MAPKAPK5: variants seen among roughly 807,000 people sequenced by gnomAD.
MAPKAPK5 encodes MAPK activated protein kinase 5, also known as MAP kinase-activated protein kinase 5.
In MAPKAPK5, 30 loss-of-function variants were observed where a neutral mutation model predicts 65.1. The ratio of observed to expected loss-of-function variants is 0.46; its 90% CI spans 0.34 to 0.63. The LOEUF (loss-of-function observed/expected upper bound fraction) is 0.63, where lower values mean the gene tolerates loss of function less well. Ranked by LOEUF, MAPKAPK5 falls within the 20% of genes least tolerant of loss-of-function variation. The pLI is 0.01. For missense variants in MAPKAPK5, 433 were observed against 581.4 expected (o/e 0.74, Z 2.63); for synonymous variants, 179 against 204.6 (o/e 0.87, Z 1.07).
rs2070675752 is a variant in MAPKAPK5 at position 111,893,013 on chromosome 12, T to G, written c.1368T>G (p.Ile456Met). The G allele has an allele frequency of 1.9e-6, 3 of 1,585,662 alleles. No homozygotes were observed. The highest frequency in any genetic ancestry group is 2.6e-6 in the Non-Finnish European group (3 of 1,165,550). Residue 456 changes from isoleucine to methionine, a missense_variant, in exon 14 of 14, where the codon ATT becomes ATG. Ile to Met is a conservative substitution (Grantham distance 10). Coordinates refer to ENST00000550735, the MANE Select transcript of MAPKAPK5 (RefSeq NM_003668.4). Reference protein sequence around the residue: ...DKVDRLKLAEIVKQVIEEQTT... With the variant: ...DKVDRLKLAEMVKQVIEEQTT... ...TAGATCGACTAAAACTGGCAGAAAT[T>G]GTGAAGCAGGTGATAGAAGAGCAAA...
chr12:111,849,062 C>A (rs2068989753), intron 1 of MAPKAPK5, among the ~76,000 whole-genome samples: 1 of 151,866 alleles, frequency 6.6e-6, no homozygotes, highest in African/African-American at 2.4e-5. Context: ...CCATGCCCAG[C>A]CTAAAATTGA....
At position 111,899,012 on chromosome 12, in the gene MAPKAPK5, ATAAC is replaced by A. The variant is rs1390354115; in HGVS notation, c.*5955_*5958del. ...ATCTTCCCATGAAAGTAAAAGGAAT[ATAAC>A]TAAGGAAGATTAAAGTTGTTGCTGT... On this transcript the variant is annotated 3_prime_UTR_variant, in exon 14 of 14. Coordinates refer to ENST00000550735, the MANE Select transcript of MAPKAPK5 (RefSeq NM_003668.4). 1 of 152,224 alleles carries A rather than the reference ATAAC, an allele frequency of 6.6e-6. No individual in the cohort carries two copies. The highest frequency in any genetic ancestry group is 1.5e-5 in the Non-Finnish European group (1 of 68,044). 9.4% of individuals were successfully genotyped at this position (152,224 alleles called of 1,614,324 possible).
chr12:111,845,039 T>C (rs2068863000), intron 1 of MAPKAPK5, among the ~76,000 whole-genome samples: 1 of 152,130 alleles, frequency 6.6e-6, no homozygotes, highest in Admixed American at 6.5e-5. Context: ...AAGAGAGACA[T>C]AGTTCCAGGA....
chr12:111,886,033 C>T lies in MAPKAPK5; in HGVS notation c.966C>T (p.Asp322=), dbSNP rs376828307. Residue 322 remains aspartate, a synonymous_variant, in exon 10 of 14, where the codon GAC becomes GAT. Coordinates refer to ENST00000550735, the MANE Select transcript of MAPKAPK5 (RefSeq NM_003668.4). ...TGCCTTCTGCTCAGCTGATGATGGA[C>T]AAGGTTTTGAATGATGTTTACTTTG... ...NVLPSAQLMM[D]KAVVAGIQQA... The T allele has an allele frequency of 5.0e-6, 8 of 1,613,790 alleles. No homozygotes were observed. Among genetic ancestry groups the T allele is most frequent in the Non-Finnish European group, 6.8e-6 (8 of 1,179,848 alleles).
chr12:111,880,256 C>T lies in MAPKAPK5; in HGVS notation c.580-191C>T, dbSNP rs997799505. On this transcript the variant is annotated intron_variant, in intron 7 of 13. Transcript: ENST00000550735. ...TTCATGTCCTTGACCTGAGTATTTCCCTGGCTGATGGATAAATTACTGGTT... is the reference window on the plus strand; with the variant it reads ...TTCATGTCCTTGACCTGAGTATTTCTCTGGCTGATGGATAAATTACTGGTT... 4.7e-5 allele frequency: 27 copies of T among 579,870 alleles called. No homozygotes were observed. In the Admixed American group the frequency reaches 7.7e-4, roughly 17 times the overall value. 35.9% of individuals were successfully genotyped at this position (579,870 alleles called of 1,614,324 possible).
At chr12:111,871,797 C>T (rs1316478654) in intron 7 of MAPKAPK5, among the ~76,000 whole-genome samples, 3 of 152,168 alleles carry the variant, frequency 2.0e-5, no homozygotes, top group Non-Finnish European at 2.9e-5. Context: ...ATGTGGAACA[C>T]GCCCCTCACT....
At chr12:111,870,494 C>A in intron 6 of MAPKAPK5, 134 bp downstream of exon 6, 1 of 575,612 alleles carries the variant, frequency 1.7e-6, no homozygotes, top group East Asian at 3.0e-5. Context: ...ATTTCTTCAA[C>A]TCGTTCCCTT....
At chr12:111,847,600 TAAAA>T (rs532376331) in intron 1 of MAPKAPK5, among the ~76,000 whole-genome samples, 3 of 151,950 alleles carry the variant, frequency 2.0e-5, no homozygotes, top group Non-Finnish European at 4.4e-5. Context: ...TTTTTAAAAT[TAAAA>T]AAAATTGTAT....
intron 1 of MAPKAPK5, among the ~76,000 whole-genome samples, chr12:111,849,791 G>T (rs1300350564): frequency 6.6e-6 from 1 of 151,334 alleles, no homozygotes; most frequent in Admixed American, 6.6e-5. Flanking sequence ...ATCACAGTTC[G>T]CTGCAGCCAT....
In MAPKAPK5 at chr12:111,868,771, A is replaced by G; in HGVS notation, c.303A>G (p.Val101=). Residue 101 remains valine (V), a synonymous_variant, in exon 5 of 14, where the codon GTA becomes GTG. Coordinates refer to ENST00000550735, the MANE Select transcript of MAPKAPK5 (RefSeq NM_003668.4). ...CAAACAGGGCCCGACTCTTAATTGT[A>G]ATGGAGATGATGGAAGGGGGAGAGC... The part of the protein sequence containing the change: ...ESSPRARLLI[V]MEMMEGGELF... The G allele has an allele frequency of 6.4e-7, 1 of 1,562,466 alleles. No individual in the cohort carries two copies. The highest frequency in any genetic ancestry group is 8.7e-7 in the Non-Finnish European group (1 of 1,153,614).
Position 111,867,601 on chromosome 12 carries a change from C to T in MAPKAPK5, c.216C>T (p.His72=), listed in dbSNP as rs752157478. 1 of 1,613,900 alleles carries T rather than the reference C, an allele frequency of 6.2e-7. No individual in the cohort carries two copies. The highest frequency in any genetic ancestry group is 8.5e-7 in the Non-Finnish European group (1 of 1,179,816). The change falls in exon 4 of 14, where the codon CAC becomes CAT. Residue 72 remains histidine, a synonymous_variant. Transcript: ENST00000550735. ...EVRLHMMCAT[H]PNIVQIIEVF... is the part of the protein sequence containing the mutation. ...GTCTGCACATGATGTGTGCCACACA[C>T]CCAAACATAGTTCAGATTATTGAAG...
At chr12:111,844,044 G>C (rs1006799001) in intron 1 of MAPKAPK5, among the ~76,000 whole-genome samples, 2 of 151,882 alleles carry the variant, frequency 1.3e-5, no homozygotes, top group African/African-American at 2.4e-5. Flanking sequence ...GGATGGGCTC[G>C]ATCTCCTGAC....
chr12:111,843,050 T>TG, intron 1 of MAPKAPK5: 1 of 398,780 alleles, frequency 2.5e-6, no homozygotes. Flanking sequence ...TGTCAATGAA[T>TG]GGGACGAAGA....
At chr12:111,892,458 A>T (rs1217342511) in intron 13 of MAPKAPK5, among the ~76,000 whole-genome samples, 1 of 152,124 alleles carries the variant, frequency 6.6e-6, no homozygotes, top group Non-Finnish European at 1.5e-5. Flanking sequence ...TTGTCTTTTT[A>T]AAAAATCTTC....
chr12:111,849,113 T>A (rs1035509513), intron 1 of MAPKAPK5, among the ~76,000 whole-genome samples: 2 of 151,678 alleles, frequency 1.3e-5, no homozygotes, highest in Non-Finnish European at 1.5e-5. Flanking sequence ...TTATTTATTT[T>A]TTTATTAATT....
rs573573904 is a variant in MAPKAPK5 at position 111,843,066 on chromosome 12, C to T, written c.36+297C>T. 1.1e-4 allele frequency: 45 copies of T among 392,352 alleles called. 1 individual carries two copies. The highest frequency in any genetic ancestry group is 7.9e-4 in the South Asian group (6 of 7,582). The allele number at this position is 392,352 out of a possible 1,614,324, so 24.3% of individuals were successfully genotyped here. On this transcript the variant is annotated intron_variant, in intron 1 of 13. Transcript: ENST00000550735. ...GTCAATGAATGGGACGAAGAGAGCC[C>T]TACTACTACTACTACACGTTTCGAT... is the stretch of plus-strand genomic sequence containing the variant.
In MAPKAPK5 at chr12:111,892,973, G is replaced by T. The variant is rs1468841679; in HGVS notation, c.1328G>T (p.Gly443Val). 1.3e-6 allele frequency: 2 copies of T among 1,570,532 alleles called. No individual in the cohort carries two copies. The highest frequency in any genetic ancestry group is 1.7e-6 in the Non-Finnish European group (2 of 1,157,440). The change falls in exon 14 of 14, where the codon GGA becomes GTA. Residue 443 changes from glycine to valine, a missense_variant. Coordinates refer to ENST00000550735, the MANE Select transcript of MAPKAPK5 (RefSeq NM_003668.4). ...TLQSFSWNGR[G>V]FTDKVDRLKL... ...GTTCTTTTTTTGCTTTCAGGTCGTGGATTCACAGATAAAGTAGATCGACTA... is the reference window on the plus strand; with the variant it reads ...GTTCTTTTTTTGCTTTCAGGTCGTGTATTCACAGATAAAGTAGATCGACTA...
chr12:111,893,106 C>CT lies in MAPKAPK5; in HGVS notation c.*48dup, dbSNP rs34710740. On this transcript the variant is annotated 3_prime_UTR_variant, in exon 14 of 14. Transcript: ENST00000550735. ...TTTTTTAACAATTTGAAAAATTATT[C>CT]TTTAATGTATAAAGTAATTTTATGT... is the stretch of plus-strand genomic sequence containing the variant. The CT allele has an allele frequency of 7.6e-7, 1 of 1,311,018 alleles. No individual in the cohort carries two copies. Among genetic ancestry groups the CT allele is most frequent in the Non-Finnish European group, 1.1e-6 (1 of 948,642 alleles). The allele number at this position is 1,311,018 out of a possible 1,614,324, so 81.2% of individuals were successfully genotyped here.
At chr12:111,847,609 T>A (rs1335365965) in intron 1 of MAPKAPK5, among the ~76,000 whole-genome samples, 1 of 150,894 alleles carries the variant, frequency 6.6e-6, no homozygotes, top group Non-Finnish European at 1.5e-5. Flanking sequence ...TTAAAAAAAA[T>A]TGTATAGTTT....
Sources: allele counts gnomAD v4.1 joint callset (sites outside exome capture counted in the v4.1 genomes callset), GRCh38; gene constraint gnomAD v4.1.1; transcripts MANE v1.5; gene names NCBI Gene and HGNC (gene_info 2026-07-23, HGNC 2026-07-21).